Variants in HTRA4 observed in about 807,000 individuals in gnomAD.
HTRA4 encodes the protein HtrA serine peptidase 4.
In HTRA4, 46 loss-of-function variants were observed where a neutral mutation model predicts 49.1. That is an observed-to-expected ratio of 0.94 (90% CI 0.74 to 1.20). HTRA4 has a LOEUF of 1.20. HTRA4 is among the 50% of genes most tolerant of loss of function. HTRA4 has a pLI of 0.00. For synonymous variants in HTRA4, 261 were observed against 264.0 expected (o/e 0.99, Z 0.11); for missense variants, 602 against 636.9 (o/e 0.95, Z 0.59).
At chr8:38,980,808 T>C (rs532931503) in intron 5 of HTRA4, among the ~76,000 whole-genome samples, 1 of 152,204 alleles carries the variant, frequency 6.6e-6, no homozygotes, top group Admixed American at 6.5e-5. Flanking sequence ...TAAAGGAAGA[T>C]GAGGTACATA....
At position 38,974,653 on chromosome 8, in the gene HTRA4, G is replaced by A. The variant is rs1835320991; in HGVS notation, c.390G>A (p.Arg130=). The A allele has an allele frequency of 4.3e-6, 6 of 1,404,524 alleles. No individual in the cohort carries two copies. In the East Asian group the frequency reaches 1.2e-4, roughly 27 times the overall value. The allele number at this position is 1,404,524 out of a possible 1,614,324, so 87.0% of individuals were successfully genotyped here. The change falls in exon 1 of 9, where the codon CGG becomes CGA. Residue 130 remains arginine, a synonymous_variant. Transcript: ENST00000302495. ...CCTACCCCAGCATGTGCGCGCTCCGGGCCGAAAACCGCGCCGCGCGCCGCC... is the reference window on the plus strand; with the variant it reads ...CCTACCCCAGCATGTGCGCGCTCCGAGCCGAAAACCGCGCCGCGCGCCGCC... ...RRTYPSMCAL[R]AENRAARRLG... is the part of the protein sequence containing the mutation.
chr8:38,987,318 T>C (rs941446187), intron 8 of HTRA4, among the ~76,000 whole-genome samples: 6 of 152,198 alleles, frequency 3.9e-5, no homozygotes, highest in Admixed American at 6.5e-5. Flanking sequence ...AGCAATTATG[T>C]TGAAGGCAAT....
intron 2 of HTRA4, among the ~76,000 whole-genome samples, chr8:38,975,354 CT>C (rs1835336798): frequency 6.6e-6 from 1 of 152,186 alleles, no homozygotes; most frequent in South Asian, 2.1e-4. Context: ...GTGGCTGGTG[CT>C]TTTTCCCCCT....
intron 8 of HTRA4, among the ~76,000 whole-genome samples, chr8:38,985,416 C>T (rs888220655): frequency 1.3e-5 from 2 of 152,174 alleles, no homozygotes; most frequent in African/African-American, 2.4e-5. Flanking sequence ...GCCTCGGGCT[C>T]CCAAAGTGCT....
Position 38,976,615 on chromosome 8 carries a change from A to T in HTRA4, c.647A>T (p.Asn216Ile). Residue 216 changes from asparagine to isoleucine, a missense_variant, in exon 3 of 9, where the codon AAT (asparagine) becomes ATT (isoleucine). Physicochemically the swap from Asn to Ile is moderately radical, Grantham distance 149 (BLOSUM62 -3). Coordinates refer to ENST00000302495, the MANE Select transcript of HTRA4 (RefSeq NM_153692.4). ...IVSEDGLIIT[N>I]AHVVRNQQWI... ...TCTGAGGACGGGCTCATTATTACCAATGCCCATGTTGTCAGGAACCAGCAG... is the reference window on the plus strand; with the variant it reads ...TCTGAGGACGGGCTCATTATTACCATTGCCCATGTTGTCAGGAACCAGCAG... 6.2e-7 allele frequency: 1 copy of T among 1,614,124 alleles called. No homozygotes were observed. Among genetic ancestry groups the T allele is most frequent in the Non-Finnish European group, 8.5e-7 (1 of 1,180,026 alleles).
Position 38,982,534 on chromosome 8 carries a change from A to G in HTRA4, c.1151A>G (p.Gln384Arg). Residue 384 changes from glutamine (Q) to arginine (R), a missense_variant, in exon 7 of 9, where the codon CAA (glutamine) becomes CGA (arginine). Physicochemically the swap from Gln to Arg is conservative, Grantham distance 43. Coordinates refer to ENST00000302495, the MANE Select transcript of HTRA4 (RefSeq NM_153692.4). ...TCAAATAAGAAATATCTGGGTCTGC[A>G]AATGCTGTCCCTCACTGTGCCGTAA... ...AFSNKKYLGL[Q>R]MLSLTVPLSE... The G allele has an allele frequency of 6.2e-7, 1 of 1,614,230 alleles. No homozygotes were observed. The highest frequency in any genetic ancestry group is 8.5e-7 in the Non-Finnish European group (1 of 1,180,020).
intron 8 of HTRA4, among the ~76,000 whole-genome samples, chr8:38,986,443 A>G (rs1224131643): frequency 1.3e-5 from 2 of 152,026 alleles, no homozygotes; most frequent in African/African-American, 4.8e-5. Context: ...TAATTATTGT[A>G]CTTTTAATAG....
At chr8:38,986,164 C>A (rs998216775) in intron 8 of HTRA4, among the ~76,000 whole-genome samples, 1 of 152,116 alleles carries the variant, frequency 6.6e-6, no homozygotes, top group African/African-American at 2.4e-5. Flanking sequence ...CTGTCTCAAA[C>A]AAATCTATTC....
chr8:38,977,364 A>T (rs1164770255), intron 3 of HTRA4, among the ~76,000 whole-genome samples: 2 of 151,970 alleles, frequency 1.3e-5, no homozygotes, highest in African/African-American at 4.8e-5. Context: ...ATGGACTCAA[A>T]GTTGCTAAGG....
chr8:38,975,352 T>G (rs1387231312), intron 2 of HTRA4, among the ~76,000 whole-genome samples: 1 of 152,198 alleles, frequency 6.6e-6, no homozygotes, highest in African/African-American at 2.4e-5. Flanking sequence ...AGGTGGCTGG[T>G]GCTTTTTCCC....
At chr8:38,979,666 C>T (rs1401253236) in intron 5 of HTRA4, among the ~76,000 whole-genome samples, 1 of 152,094 alleles carries the variant, frequency 6.6e-6, no homozygotes, top group African/African-American at 2.4e-5. Context: ...TTACCCAAAG[C>T]CCTGGATTTT....
intron 7 of HTRA4, 78 bp from the exon 8 acceptor site, chr8:38,982,875 T>A (rs1349934512): frequency 2.2e-6 from 2 of 916,702 alleles, no homozygotes; most frequent in Non-Finnish European, 3.5e-6. Context: ...CAGAACAGAG[T>A]ACCTACTAAG....
chr8:38,982,523 T>C lies in HTRA4; in HGVS notation c.1140T>C (p.Tyr380=), dbSNP rs772438569. Residue 380 remains tyrosine (Y), a synonymous_variant, in exon 7 of 9, where the codon TAT becomes TAC. Coordinates refer to ENST00000302495, the MANE Select transcript of HTRA4 (RefSeq NM_153692.4). The part of the protein sequence containing the change: ...MKGKAFSNKK[Y]LGLQMLSLTV... ...GAAAGGCGTTTTCAAATAAGAAATA[T>C]CTGGGTCTGCAAATGCTGTCCCTCA... The C allele has an allele frequency of 3.1e-6, 5 of 1,614,196 alleles. No individual in the cohort carries two copies. Among genetic ancestry groups the C allele is most frequent in the Non-Finnish European group, 4.2e-6 (5 of 1,180,010 alleles).
At position 38,978,086 on chromosome 8, in the gene HTRA4, G is replaced by C. The variant is rs762716727; in HGVS notation, c.905G>C (p.Gly302Ala). The change falls in exon 4 of 9, where the codon GGC (glycine) becomes GCC (alanine). Residue 302 changes from glycine (G) to alanine (A), a missense_variant. Coordinates refer to ENST00000302495, the MANE Select transcript of HTRA4 (RefSeq NM_153692.4). ...AGIVSTKQRG[G>A]KELGMKDSDM... The stretch of plus-strand genomic sequence containing the variant: ...ATTGTCAGCACCAAACAGCGAGGGG[G>C]CAAAGAACTGGGGATGAAGGATTCA... The C allele has an allele frequency of 6.2e-7, 1 of 1,614,012 alleles. No homozygotes were observed. Among genetic ancestry groups the C allele is most frequent in the Non-Finnish European group, 8.5e-7 (1 of 1,180,010 alleles).
intron 5 of HTRA4, among the ~76,000 whole-genome samples, chr8:38,979,504 T>G (rs140605337): frequency 5.3e-4 from 81 of 152,340 alleles, no homozygotes; most frequent in African/African-American, 1.8e-3. Flanking sequence ...GGAATGGTGC[T>G]TTTCTGTTCT....
chr8:38,980,573 C>CA (rs151157713), intron 5 of HTRA4, among the ~76,000 whole-genome samples: 59,112 of 137,558 alleles, frequency 0.43, 12,498 homozygotes, highest in East Asian at 0.75. Flanking sequence ...ACCTAACATA[C>CA]AAAAAAAAAA....
At chr8:38,983,533 A>C (rs6474515) in intron 8 of HTRA4, among the ~76,000 whole-genome samples, 53,798 of 152,030 alleles carry the variant, frequency 0.35, 9,467 homozygotes, top group Non-Finnish European at 0.37. Flanking sequence ...CTCAAAAAAA[A>C]AAATATTATC....
At chr8:38,984,781 A>G (rs1835465123) in intron 8 of HTRA4, among the ~76,000 whole-genome samples, 2 of 152,178 alleles carry the variant, frequency 1.3e-5, no homozygotes, top group East Asian at 1.9e-4. Flanking sequence ...AAAATTAGCC[A>G]GGTGTGGTGG....
intron 4 of HTRA4, 142 bp downstream of exon 4, chr8:38,978,289 T>G: frequency 1.5e-6 from 1 of 672,960 alleles, no homozygotes; most frequent in Non-Finnish European, 2.5e-6. Flanking sequence ...TCCTGTCAGA[T>G]CAGTGGCGGC....
Sources: gnomAD v4.1 joint callset for allele counts (sites outside exome capture counted in the v4.1 genomes callset) on GRCh38, gnomAD v4.1.1 for gene constraint, MANE v1.5 for transcripts, NCBI Gene and HGNC (gene_info 2026-07-23, HGNC 2026-07-21) for gene names.